Variants in PRKDC observed in about 807,000 individuals in gnomAD.
PRKDC encodes the protein protein kinase, DNA-activated, catalytic subunit.
PRKDC carries 82 observed loss-of-function variants against 486.9 expected under a neutral mutation model. The ratio of observed to expected loss-of-function variants is 0.17; its 90% CI spans 0.14 to 0.20. The LOEUF (loss-of-function observed/expected upper bound fraction) is 0.20, where lower values mean the gene tolerates loss of function less well. Ranked by LOEUF, PRKDC falls within the 10% of genes least tolerant of loss-of-function variation. The pLI is 1.00. For missense variants in PRKDC, 4,504 were observed against 5,038.2 expected, an observed-to-expected ratio of 0.89 and a Z score of 3.21; for synonymous variants, 1,895 against 1,837.0, an observed-to-expected ratio of 1.03 and a Z score of -0.81.
At chr8:47,792,820 C>T (rs1404878917) in intron 74 of PRKDC, among the ~76,000 whole-genome samples, 6 of 152,128 alleles carry the variant, frequency 3.9e-5, no homozygotes, top group African/African-American at 7.2e-5. Flanking sequence ...CTGATGTTGA[C>T]GTTTTGACGT....
intron 74 of PRKDC, among the ~76,000 whole-genome samples, chr8:47,792,525 T>C (rs2086898830): frequency 6.6e-6 from 1 of 152,168 alleles, no homozygotes; most frequent in Non-Finnish European, 1.5e-5. Context: ...CCCAAAGTGC[T>C]GGGATTACAG....
At position 47,821,626 on chromosome 8, in the gene PRKDC, A is replaced by T; in HGVS notation, c.9089T>A (p.Ile3030Asn). 6.3e-7 allele frequency: 1 copy of T among 1,599,912 alleles called. No homozygotes were observed. The highest frequency in any genetic ancestry group is 1.1e-5 in the South Asian group (1 of 88,984). ...CACCTGATAAAATGGTTCACTCCAG[A>T]TTTTATTTAGGTCTGGGGGGTTCTC... is the stretch of plus-strand genomic sequence containing the variant. Reference protein sequence around the residue: ...DSENPPDLNKIWSEPFYQETY... With the variant: ...DSENPPDLNKNWSEPFYQETY... The change falls in exon 65 of 86, where the codon ATC (isoleucine) becomes AAC (asparagine). Residue 3030 changes from isoleucine to asparagine, a missense_variant. By Grantham distance (149) the Ile-to-Asn change is moderately radical. Transcript: ENST00000314191.
At chr8:47,953,534 GGTT>G in intron 7 of PRKDC, 83 bp downstream of exon 7, 1 of 1,236,368 alleles carries the variant, frequency 8.1e-7, no homozygotes. Flanking sequence ...ATTCAGGATT[GGTT>G]AAGAGTTCAA....
chr8:47,840,307 A>C (rs953663884), intron 54 of PRKDC, 118 bp from the exon 55 acceptor site: 2 of 718,884 alleles, frequency 2.8e-6, no homozygotes, highest in African/African-American at 1.8e-5. Flanking sequence ...ATAACGCTAC[A>C]CTTATATAAA....
At chr8:47,872,589 A>G (rs1298093024) in intron 40 of PRKDC, among the ~76,000 whole-genome samples, 1 of 152,148 alleles carries the variant, frequency 6.6e-6, no homozygotes, top group Non-Finnish European at 1.5e-5. Context: ...TAAAGGGATG[A>G]AAAAAGATAT....
chr8:47,836,758 T>C (rs1442372234), intron 57 of PRKDC, among the ~76,000 whole-genome samples: 3 of 152,252 alleles, frequency 2.0e-5, no homozygotes, highest in African/African-American at 7.2e-5. Context: ...TCTTAATGTT[T>C]GCATAAAAAG....
chr8:47,852,728 G>A lies in PRKDC; in HGVS notation c.6950C>T (p.Ala2317Val), dbSNP rs1241742573. ...MSFVRYKEVYAAAAEVLGLIL... is the reference protein window; with the variant it reads ...MSFVRYKEVYVAAAEVLGLIL... Reference sequence around the variant, plus strand: ...AAGTCCTAGAACTTCTGCTGCAGCGGCATACACTTCTTTATATCTTACAAA... The same window carrying A: ...AAGTCCTAGAACTTCTGCTGCAGCGACATACACTTCTTTATATCTTACAAA... Residue 2317 changes from alanine (A) to valine (V), a missense_variant, in exon 52 of 86, where the codon GCC becomes GTC. By Grantham distance (64) the Ala-to-Val change is moderately conservative (BLOSUM62 0). Transcript: ENST00000314191. 1 of 1,580,874 alleles carries A rather than the reference G, an allele frequency of 6.3e-7. No individual in the cohort carries two copies. Among genetic ancestry groups the A allele is most frequent in the East Asian group, 2.3e-5 (1 of 44,110 alleles).
intron 68 of PRKDC, among the ~76,000 whole-genome samples, chr8:47,810,964 G>A (rs935342113): frequency 5.3e-5 from 8 of 152,192 alleles, no homozygotes; most frequent in African/African-American, 1.7e-4. Context: ...CGATGTATGT[G>A]TAACTGCATT....
chr8:47,927,474 C>T (rs1244842060), intron 20 of PRKDC, 121 bp from the exon 21 acceptor site: 8 of 1,177,792 alleles, frequency 6.8e-6, no homozygotes, highest in East Asian at 5.1e-5. Context: ...TGCCCGACAC[C>T]GCTGGAGAGT....
intron 31 of PRKDC, among the ~76,000 whole-genome samples, chr8:47,892,174 A>G (rs916627128): frequency 2.0e-5 from 3 of 152,160 alleles, no homozygotes; most frequent in Non-Finnish European, 4.4e-5. Flanking sequence ...CCGGCCATGA[A>G]CAAGTTTTTT....
chr8:47,874,919 G>C lies in PRKDC; in HGVS notation c.5363+2805C>G, dbSNP rs146077944. Among the ~76,000 whole-genome samples the C allele has an allele frequency of 9.9e-5, 15 of 152,220 alleles. No individual in the cohort carries two copies. The East Asian group carries it at 2.7e-3, about 27-fold the overall frequency. On this transcript the variant is annotated intron_variant, in intron 40 of 85. Coordinates refer to ENST00000314191, the MANE Select transcript of PRKDC (RefSeq NM_006904.7). Reference sequence around the variant, plus strand: ...AAAAAATACAAAACTAGCTGGTGTGGTGGTACATGCCTGTAGTCCCAGCTA... The same window carrying C: ...AAAAAATACAAAACTAGCTGGTGTGCTGGTACATGCCTGTAGTCCCAGCTA...
intron 40 of PRKDC, 84 bp from the exon 41 acceptor site, chr8:47,864,847 A>AAC (rs1247369999): frequency 4.3e-6 from 5 of 1,158,658 alleles, no homozygotes; most frequent in Non-Finnish European, 5.9e-6. Context: ...AGGCAAAGTA[A>AAC]ACACCAGTGA....
At chr8:47,864,832 A>T (rs1589751926) in intron 40 of PRKDC, 69 bp from the exon 41 acceptor site, 5 of 1,306,596 alleles carry the variant, frequency 3.8e-6, no homozygotes, top group Non-Finnish European at 5.1e-6. Context: ...TGCCTACTAC[A>T]TAACAGGCAA....
In PRKDC at chr8:47,850,813, CTTT is replaced by C. The variant is rs1053623739; in HGVS notation, c.7006-1313_7006-1311del. On this transcript the variant is annotated intron_variant, in intron 52 of 85. Coordinates refer to ENST00000314191, the MANE Select transcript of PRKDC (RefSeq NM_006904.7). The stretch of plus-strand genomic sequence containing the variant: ...GAGTGCGAGCCTCTCTTACTGACTT[CTTT>C]TTATTTTTTTTGAGATGGAGTCTCA... Among the ~76,000 whole-genome samples, 25 of 152,236 alleles carry C rather than the reference CTTT, an allele frequency of 1.6e-4. 1 individual carries two copies. Among genetic ancestry groups the C allele is most frequent in the African/African-American group, 6.0e-4 (25 of 41,552 alleles).
At chr8:47,932,808 T>C (rs186925532) in intron 16 of PRKDC, among the ~76,000 whole-genome samples, 7 of 152,250 alleles carry the variant, frequency 4.6e-5, no homozygotes, top group Admixed American at 3.9e-4. Flanking sequence ...AAAATTAACA[T>C]ATATAAATTA....
intron 76 of PRKDC, 59 bp downstream of exon 76, chr8:47,788,847 T>C (rs1368202321): frequency 7.1e-7 from 1 of 1,408,420 alleles, no homozygotes; most frequent in Non-Finnish European, 9.4e-7. Flanking sequence ...TTTAATAATG[T>C]AACTATTGAC....
intron 1 of PRKDC, among the ~76,000 whole-genome samples, chr8:47,958,736 C>CT (rs35991452): frequency 0.019 from 2,579 of 138,538 alleles, 48 homozygotes; most frequent in African/African-American, 0.048. Context: ...TATATAGCAT[C>CT]TTTTTTTTTT....
chr8:47,955,541 T>G (rs1363841126), intron 4 of PRKDC, among the ~76,000 whole-genome samples: 1 of 144,880 alleles, frequency 6.9e-6, no homozygotes, highest in Non-Finnish European at 1.5e-5. Context: ...ACCTCAGAGA[T>G]ATAAGGTGAT....
chr8:47,950,229 G>C (rs1426025399), intron 7 of PRKDC, among the ~76,000 whole-genome samples: 2 of 150,282 alleles, frequency 1.3e-5, no homozygotes, highest in Non-Finnish European at 3.0e-5. Flanking sequence ...CCAAGATCGC[G>C]CCATTGCACT....
Sources: allele counts gnomAD v4.1 joint callset (sites outside exome capture counted in the v4.1 genomes callset), GRCh38; gene constraint gnomAD v4.1.1; transcripts MANE v1.5; gene names NCBI Gene and HGNC (gene_info 2026-07-23, HGNC 2026-07-21).